DLG2: variants seen among roughly 807,000 people sequenced by gnomAD.
DLG2 encodes the protein discs large MAGUK scaffold protein 2, also known as disks large homolog 2.
In DLG2, 45 loss-of-function variants were observed where a neutral mutation model predicts 132.5. The ratio of observed to expected loss-of-function variants is 0.34; its 90% confidence interval spans 0.27 to 0.44. The LOEUF (loss-of-function observed/expected upper bound fraction) is 0.44. Among genes scored for constraint, DLG2 ranks in the 20% least tolerant of loss-of-function variants. The probability of loss-of-function intolerance (pLI) is 1.00; values close to 1 mark genes in which losing one functional copy is unlikely to be tolerated. For missense variants in DLG2, 1,045 were observed against 1,196.9 expected, an observed-to-expected ratio of 0.87 and a Z score of 1.87; for synonymous variants, 424 against 419.6, an observed-to-expected ratio of 1.01 and a Z score of -0.13.
chr11:83,783,617 C>G (rs1230735668), intron 18 of DLG2, among the ~76,000 whole-genome samples: 1 of 152,090 alleles, frequency 6.6e-6, no homozygotes, highest in East Asian at 1.9e-4. Context: ...TAAGAAATAC[C>G]AAGTAGGACA....
At chr11:85,177,282 C>T (rs55825298) in intron 4 of DLG2, among the ~76,000 whole-genome samples, 11,972 of 131,762 alleles carry the variant, frequency 0.091, 650 homozygotes, top group African/African-American at 0.17. Flanking sequence ...TATATATATA[C>T]ATATACACAC....
At chr11:84,333,315 C>A (rs1168191535) in intron 7 of DLG2, among the ~76,000 whole-genome samples, 1 of 152,204 alleles carries the variant, frequency 6.6e-6, no homozygotes, top group African/African-American at 2.4e-5. Flanking sequence ...AAAAATACAA[C>A]TGCTTTTGCT....
chr11:83,701,027 T>C lies in DLG2; in HGVS notation c.1826-67702A>G, dbSNP rs569713761. Among the ~76,000 whole-genome samples the C allele has an allele frequency of 2.3e-4, 35 of 152,302 alleles. 1 individual carries two copies. The highest frequency in any genetic ancestry group is 1.2e-3 in the South Asian group (6 of 4,822). The stretch of plus-strand genomic sequence containing the variant: ...GAAAAGCACCATTTTGGGTACTTGT[T>C]TGGGAAATCGCACACAACAGGATGT... On this transcript the variant is annotated intron_variant, in intron 18 of 27. Transcript: ENST00000376104.
At chr11:85,453,222 T>A (rs551341895) in intron 3 of DLG2, 1 of 368,044 alleles carries the variant, frequency 2.7e-6, no homozygotes, top group African/African-American at 2.1e-5. Flanking sequence ...AGCATCCAAA[T>A]TATTATCTGG....
intron 26 of DLG2, among the ~76,000 whole-genome samples, chr11:83,464,824 A>G (rs1302448651): frequency 6.6e-6 from 1 of 152,050 alleles, no homozygotes; most frequent in African/African-American, 2.4e-5. Context: ...TTACAATATG[A>G]AGATTTATTT....
intron 19 of DLG2, among the ~76,000 whole-genome samples, chr11:83,600,458 C>A (rs533103434): frequency 2.6e-5 from 4 of 152,310 alleles, no homozygotes; most frequent in African/African-American, 7.2e-5. Context: ...CAAAATTTGG[C>A]AGCCTGTATT....
intron 17 of DLG2, among the ~76,000 whole-genome samples, chr11:83,823,240 C>A (rs2153984194): frequency 6.6e-6 from 1 of 152,236 alleles, no homozygotes; most frequent in South Asian, 2.1e-4. Flanking sequence ...AACTTGAGAA[C>A]TCTTTGCACG....
chr11:85,061,872 C>G (rs1566763916), intron 6 of DLG2, among the ~76,000 whole-genome samples: 2 of 151,828 alleles, frequency 1.3e-5, no homozygotes, highest in Non-Finnish European at 2.9e-5. Flanking sequence ...TACTGAAGAT[C>G]ATTCTATCTT....
At chr11:84,188,191 A>G (rs11233934) in intron 8 of DLG2, among the ~76,000 whole-genome samples, 7,396 of 152,196 alleles carry the variant, frequency 0.049, 240 homozygotes, top group Non-Finnish European at 0.078. Context: ...AAATATAGTT[A>G]TACGCTTTAG....
chr11:83,825,876 G>A (rs1437748966), intron 17 of DLG2, among the ~76,000 whole-genome samples: 6 of 152,184 alleles, frequency 3.9e-5, no homozygotes, highest in Non-Finnish European at 8.8e-5. Flanking sequence ...GCCATTCATT[G>A]TGTGGATGGG....
intron 3 of DLG2, among the ~76,000 whole-genome samples, chr11:85,358,342 C>G (rs988321050): frequency 6.6e-6 from 1 of 152,170 alleles, no homozygotes; most frequent in Admixed American, 6.5e-5. Context: ...TCCCATGTGG[C>G]TTTCAACTTA....
At chr11:84,351,997 G>T (rs1471047389) in intron 7 of DLG2, among the ~76,000 whole-genome samples, 1 of 152,186 alleles carries the variant, frequency 6.6e-6, no homozygotes, top group East Asian at 1.9e-4. Context: ...GAGGTAAATA[G>T]TATCCATCTT....
chr11:85,421,704 C>G (rs536476596), intron 3 of DLG2, among the ~76,000 whole-genome samples: 1 of 152,042 alleles, frequency 6.6e-6, no homozygotes, highest in East Asian at 1.9e-4. Flanking sequence ...ATTCATCATG[C>G]TATTTGTTGC....
In DLG2 at chr11:83,743,471, ACC is replaced by A. The variant is rs538447953; in HGVS notation, c.1825+43217_1825+43218del. On this transcript the variant is annotated intron_variant, in intron 18 of 27. Transcript: ENST00000376104. ...TTTTATGACAGGGTCTCACTTTGTC[ACC>A]CAGGTTGGAGTACAGTGATGTAAAC... 9.9e-4 allele frequency among the ~76,000 whole-genome samples: 111 copies of A among 111,750 alleles called. 1 individual carries two copies. Among genetic ancestry groups the A allele is most frequent in the African/African-American group, 4.6e-3 (106 of 23,264 alleles). 73.3% of individuals were successfully genotyped at this position (111,750 alleles called of 152,430 possible). A position where few individuals can be genotyped will look rare whatever the true frequency, so the allele number is the denominator to read the frequency against.
intron 19 of DLG2, among the ~76,000 whole-genome samples, chr11:83,544,330 A>G (rs1269788612): frequency 2.0e-5 from 3 of 152,088 alleles, no homozygotes; most frequent in Non-Finnish European, 4.4e-5. Flanking sequence ...GTCTTGGGGA[A>G]CCCCAACACA....
At chr11:84,671,209 C>T (rs915756721) in intron 6 of DLG2, among the ~76,000 whole-genome samples, 6 of 152,048 alleles carry the variant, frequency 3.9e-5, no homozygotes, top group African/African-American at 1.2e-4. Context: ...ATCAATCCTC[C>T]TATCTCAGCC....
At chr11:84,497,572 C>A (rs185709083) in intron 7 of DLG2, among the ~76,000 whole-genome samples, 2 of 152,070 alleles carry the variant, frequency 1.3e-5, no homozygotes, top group South Asian at 2.1e-4. Flanking sequence ...GAGATCCCTG[C>A]GGAAACCTCT....
At chr11:84,794,835 C>A (rs2074346647) in intron 6 of DLG2, among the ~76,000 whole-genome samples, 2 of 152,208 alleles carry the variant, frequency 1.3e-5, no homozygotes. Context: ...GGCTGCTGAC[C>A]AGCACAGAAA....
chr11:84,972,765 A>AG (rs397708113), intron 6 of DLG2, among the ~76,000 whole-genome samples: 2 of 36,862 alleles, frequency 5.4e-5, no homozygotes, highest in African/African-American at 3.2e-4. Flanking sequence ...TACATCACTC[A>AG]CTTTCCCTCA....
Sources: allele counts gnomAD v4.1 joint callset (sites outside exome capture counted in the v4.1 genomes callset), GRCh38; gene constraint gnomAD v4.1.1; transcripts MANE v1.5; gene names NCBI Gene and HGNC (gene_info 2026-07-23, HGNC 2026-07-21).